CASZ1: variants seen among roughly 807,000 people sequenced by gnomAD.
The protein encoded by CASZ1 is castor zinc finger 1, also known as zinc finger protein castor homolog 1.
A neutral mutation model predicts 135.2 loss-of-function variants in CASZ1; 28 were observed. The observed-to-expected ratio is 0.21, with a 90% CI of 0.15 to 0.28. CASZ1 has a LOEUF of 0.28. Among genes scored for constraint, CASZ1 ranks in the 10% least tolerant of loss-of-function variants. The pLI, the probability that CASZ1 is intolerant of heterozygous loss-of-function variation, is 1.00. For synonymous variants in CASZ1, 1,068 were observed against 1,073.4 expected (o/e 0.99, Z 0.10); for missense variants, 2,161 against 2,453.3 (o/e 0.88, Z 2.52).
At chr1:10,761,539 T>G (rs1305138520) in intron 1 of CASZ1, among the ~76,000 whole-genome samples, 1 of 151,960 alleles carries the variant, frequency 6.6e-6, no homozygotes, top group Non-Finnish European at 1.5e-5. Flanking sequence ...CGATAGGTGT[T>G]GGGACAAAAA....
chr1:10,715,945 A>G (rs1639379589), intron 2 of CASZ1, among the ~76,000 whole-genome samples: 1 of 131,706 alleles, frequency 7.6e-6, no homozygotes, highest in Admixed American at 7.7e-5. Flanking sequence ...CACAGCACCC[A>G]ATCCACACCC....
Position 10,714,032 on chromosome 1 carries a change from C to T in CASZ1, c.-76-8488G>A, listed in dbSNP as rs769583962. Among the ~76,000 whole-genome samples the T allele has an allele frequency of 3.9e-5, 6 of 152,192 alleles. No homozygotes were observed. The South Asian group carries it at 6.2e-4, about 16-fold the overall frequency. ...GGTTAAGAAACAAGCTCTTGCCAGG[C>T]GTGGTGGCTCACACCTGTAATCCCA... On this transcript the variant is annotated intron_variant, in intron 2 of 20. Coordinates refer to ENST00000377022, the MANE Select transcript of CASZ1 (RefSeq NM_001079843.3).
At chr1:10,743,909 C>T (rs1639986523) in intron 2 of CASZ1, among the ~76,000 whole-genome samples, 1 of 151,648 alleles carries the variant, frequency 6.6e-6, no homozygotes, top group South Asian at 2.1e-4. Flanking sequence ...CGGGGGGAGG[C>T]AGGCAGAAGA....
chr1:10,753,001 C>T (rs1458745465), intron 2 of CASZ1, among the ~76,000 whole-genome samples: 1 of 152,212 alleles, frequency 6.6e-6, no homozygotes, highest in Non-Finnish European at 1.5e-5. Context: ...TGTGCCATTG[C>T]ACTCCAGCCT....
At position 10,739,467 on chromosome 1, in the gene CASZ1, C is replaced by T. The variant is rs12066520; in HGVS notation, c.-77+21234G>A. The stretch of plus-strand genomic sequence containing the variant: ...CACACAAGGGCGGTCTGCTCTCACT[C>T]CCCTCGCTGCTCTGTAATTAAGCTC... On this transcript the variant is annotated intron_variant, in intron 2 of 20. Coordinates refer to ENST00000377022, the MANE Select transcript of CASZ1 (RefSeq NM_001079843.3). The surrounding 1 kb of genome is among the most constrained non-coding windows in gnomAD (Gnocchi z 4.8). Among the ~76,000 whole-genome samples the T allele has an allele frequency of 0.03, 4,568 of 152,224 alleles. 145 individuals carry two copies. The highest frequency in any genetic ancestry group is 0.077 in the African/African-American group (3,178 of 41,522).
chr1:10,789,363 C>G (rs992853888), intron 1 of CASZ1, among the ~76,000 whole-genome samples: 1 of 150,726 alleles, frequency 6.6e-6, no homozygotes, highest in Admixed American at 6.6e-5. Context: ...CTCTGCCTGC[C>G]CCCCGCACCC....
Position 10,657,631 on chromosome 1 carries a change from C to T in CASZ1, c.1409+877G>A, listed in dbSNP as rs553743245. 2.8e-4 allele frequency among the ~76,000 whole-genome samples: 43 copies of T among 151,516 alleles called. No individual in the cohort carries two copies. The highest frequency in any genetic ancestry group is 5.3e-4 in the African/African-American group (22 of 41,184). ...CTGAAGACAGAGTGGGACAGGGGGG[C>T]GGAGACAGTGGGATGGGGGTGGACA... is the stretch of plus-strand genomic sequence containing the variant. On this transcript the variant is annotated intron_variant, in intron 7 of 20. Coordinates refer to ENST00000377022, the MANE Select transcript of CASZ1 (RefSeq NM_001079843.3). The surrounding 1 kb of genome is among the most constrained non-coding windows in gnomAD (Gnocchi z 5.7).
At chr1:10,748,079 A>G (rs1464172497) in intron 2 of CASZ1, among the ~76,000 whole-genome samples, 4 of 152,092 alleles carry the variant, frequency 2.6e-5, no homozygotes, top group South Asian at 2.1e-4. Context: ...CGGCCTCCCA[A>G]AGTGCTGGGA....
intron 1 of CASZ1, among the ~76,000 whole-genome samples, chr1:10,785,306 C>A (rs1043772614): frequency 1.3e-5 from 2 of 151,448 alleles, no homozygotes; most frequent in Non-Finnish European, 2.9e-5. Flanking sequence ...TTCCCTCCCT[C>A]CCTTTCTTCA....
chr1:10,749,721 A>G (rs1244559321), intron 2 of CASZ1, among the ~76,000 whole-genome samples: 1 of 152,136 alleles, frequency 6.6e-6, no homozygotes, highest in Non-Finnish European at 1.5e-5. Flanking sequence ...CTTTCAGCCA[A>G]TTCGGCTGGG....
At chr1:10,652,208 C>T (rs1642614955) in intron 11 of CASZ1, 1 of 152,292 alleles carries the variant, frequency 6.6e-6, no homozygotes, top group Non-Finnish European at 1.5e-5. Context: ...GACTGGGCCA[C>T]AGGGACCCTC....
rs1642848302 is a variant in CASZ1, at chr1:10,657,623, CAG to C, written c.1409+883_1409+884del. 6.6e-6 allele frequency among the ~76,000 whole-genome samples: 1 copy of C among 151,848 alleles called. No homozygotes were observed. The highest frequency in any genetic ancestry group is 1.5e-5 in the Non-Finnish European group (1 of 67,972). On this transcript the variant is annotated intron_variant, in intron 7 of 20. Coordinates refer to ENST00000377022, the MANE Select transcript of CASZ1 (RefSeq NM_001079843.3). This position sits in a 1 kb window ranked among gnomAD's most constrained non-coding sequence, Gnocchi z 5.7. ...GGGCAGAGCTGAAGACAGAGTGGGA[CAG>C]GGGGGCGGAGACAGTGGGATGGGGG...
At chr1:10,708,974 G>T (rs892560239) in intron 2 of CASZ1, among the ~76,000 whole-genome samples, 2 of 142,848 alleles carry the variant, frequency 1.4e-5, no homozygotes, top group East Asian at 3.0e-4. Context: ...GACGGGGAGG[G>T]GGGGGGCCAT....
chr1:10,673,135 G>A (rs1285037085), intron 4 of CASZ1, among the ~76,000 whole-genome samples: 1 of 152,120 alleles, frequency 6.6e-6, no homozygotes, highest in Non-Finnish European at 1.5e-5. Flanking sequence ...AAGGGGGACC[G>A]AGTGAAGGGG....
rs1460998975 is a variant in CASZ1 at position 10,659,803 on chromosome 1, C to A, written c.1239G>T (p.Gly413=). Residue 413 remains glycine, a synonymous_variant, in exon 6 of 21, where the codon GGG becomes GGT. Coordinates refer to ENST00000377022, the MANE Select transcript of CASZ1 (RefSeq NM_001079843.3). ...VPSAPSAPGP[G]PEPPASLSFN... ...AGGACAGGGAGGCAGGAGGCTCTGG[C>A]CCTGGCCCGGGGGCGCTGGGGGCAC... 1.2e-6 allele frequency: 2 copies of A among 1,613,832 alleles called. No individual in the cohort carries two copies. The highest frequency in any genetic ancestry group is 2.2e-5 in the South Asian group (2 of 91,076).
Position 10,777,262 on chromosome 1 carries a change from G to A in CASZ1, c.-233-16405C>T, listed in dbSNP as rs770739350. Among the ~76,000 whole-genome samples the A allele has an allele frequency of 2.6e-5, 4 of 152,164 alleles. No individual in the cohort carries two copies. The highest frequency in any genetic ancestry group is 4.4e-5 in the Non-Finnish European group (3 of 68,034). Reference sequence around the variant, plus strand: ...GAAGCTCAGCTGGGAATCTGTTCCTGAGGACAGGACAAGGACCGCAGGGTT... The same window carrying A: ...GAAGCTCAGCTGGGAATCTGTTCCTAAGGACAGGACAAGGACCGCAGGGTT... On this transcript the variant is annotated intron_variant, in intron 1 of 20. Transcript: ENST00000377022. The surrounding 1 kb of genome is among the most constrained non-coding windows in gnomAD (Gnocchi z 4.4).
intron 4 of CASZ1, among the ~76,000 whole-genome samples, chr1:10,690,013 T>C (rs1355163994): frequency 6.6e-6 from 1 of 152,200 alleles, no homozygotes; most frequent in Non-Finnish European, 1.5e-5. Flanking sequence ...TGCAGCAGAC[T>C]GGCAAAACCG....
At chr1:10,723,167 G>T (rs1639534580) in intron 2 of CASZ1, among the ~76,000 whole-genome samples, 1 of 152,358 alleles carries the variant, frequency 6.6e-6, no homozygotes, top group South Asian at 2.1e-4. Context: ...GACGTGGGAA[G>T]GCCCCGCCTG....
chr1:10,774,254 T>A lies in CASZ1; in HGVS notation c.-233-13397A>T, dbSNP rs1640623385. 6.6e-6 allele frequency among the ~76,000 whole-genome samples: 1 copy of A among 152,176 alleles called. No homozygotes were observed. Reference sequence around the variant, plus strand: ...CCTTGGATACACACGGTATATCTCCTGACTCTCGGAGAATCGGGAACCATT... The same window carrying A: ...CCTTGGATACACACGGTATATCTCCAGACTCTCGGAGAATCGGGAACCATT... On this transcript the variant is annotated intron_variant, in intron 1 of 20. Coordinates refer to ENST00000377022, the MANE Select transcript of CASZ1 (RefSeq NM_001079843.3). This position sits in a 1 kb window ranked among gnomAD's most constrained non-coding sequence, Gnocchi z 4.4.
Sources: gnomAD v4.1 joint callset for allele counts (sites outside exome capture counted in the v4.1 genomes callset) on GRCh38, gnomAD v4.1.1 for gene constraint, Gnocchi (gnomAD v3.1) non-coding constraint, MANE v1.5 for transcripts, NCBI Gene and HGNC (gene_info 2026-07-23, HGNC 2026-07-21) for gene names.